SGIP1: variants seen among roughly 807,000 people sequenced by gnomAD.
The protein encoded by SGIP1 is SH3GL interacting endocytic adaptor 1, also known as SH3-containing GRB2-like protein 3-interacting protein 1.
SGIP1 carries 38 observed loss-of-function variants against 107.5 expected under a neutral mutation model. That is an observed-to-expected ratio of 0.35 (90% CI 0.27 to 0.46). SGIP1 has a LOEUF of 0.46. Ranked by LOEUF, SGIP1 falls within the 20% of genes least tolerant of loss-of-function variation. The pLI is 1.00. For synonymous variants in SGIP1, 365 were observed against 366.1 expected (o/e 1.00, Z 0.03); for missense variants, 929 against 1,019.5 (o/e 0.91, Z 1.21).
At position 66,659,988 on chromosome 1, in the gene SGIP1, A is replaced by C. The variant is rs1485811511; in HGVS notation, c.460-525A>C. Reference sequence around the variant, plus strand: ...AAAGAAAGAAAGAAAGAAAGAAAGAAAGAAAGAAAGACAGACAGACAGACA... The same window carrying C: ...AAAGAAAGAAAGAAAGAAAGAAAGACAGAAAGAAAGACAGACAGACAGACA... On this transcript the variant is annotated intron_variant, in intron 7 of 24. Transcript: ENST00000371037. The C allele has an allele frequency of 2.6e-4, 20 of 76,488 alleles. 1 individual carries two copies. The highest frequency in any genetic ancestry group is 1.6e-3 in the East Asian group (1 of 630). 4.7% of individuals were successfully genotyped at this position (76,488 alleles called of 1,614,324 possible). A position where few individuals can be genotyped will look rare whatever the true frequency, so the allele number is the denominator to read the frequency against.
At chr1:66,586,671 G>A (rs1467453153) in intron 1 of SGIP1, among the ~76,000 whole-genome samples, 4 of 152,006 alleles carry the variant, frequency 2.6e-5, no homozygotes. Flanking sequence ...CACCACATCA[G>A]AAAGTATTAT....
At chr1:66,542,487 G>C (rs1378554058) in intron 1 of SGIP1, among the ~76,000 whole-genome samples, 2 of 152,094 alleles carry the variant, frequency 1.3e-5, no homozygotes, top group Non-Finnish European at 2.9e-5. Context: ...CATTGACCTT[G>C]AACACAGGCA....
chr1:66,733,199 T>G (rs907402944), intron 20 of SGIP1, among the ~76,000 whole-genome samples: 1 of 152,222 alleles, frequency 6.6e-6, no homozygotes, highest in Non-Finnish European at 1.5e-5. Context: ...CTTTGATGAT[T>G]TAAATGCTCA....
chr1:66,620,196 G>A (rs2070606535), intron 1 of SGIP1, among the ~76,000 whole-genome samples: 1 of 152,094 alleles, frequency 6.6e-6, no homozygotes, highest in South Asian at 2.1e-4. Flanking sequence ...CTTAAAGCCA[G>A]GAAATTCTAA....
intron 9 of SGIP1, among the ~76,000 whole-genome samples, chr1:66,670,521 T>C (rs754896096): frequency 1.4e-4 from 22 of 152,232 alleles, no homozygotes; most frequent in Non-Finnish European, 2.9e-4. Flanking sequence ...TTACACTTGC[T>C]ATCTATACCT....
chr1:66,584,134 A>G (rs1183117686), intron 1 of SGIP1, among the ~76,000 whole-genome samples: 1 of 152,034 alleles, frequency 6.6e-6, no homozygotes. Context: ...TTTGGTGTCT[A>G]CTTCCAATTA....
At chr1:66,610,706 A>G (rs1007637566) in intron 1 of SGIP1, among the ~76,000 whole-genome samples, 5 of 95,614 alleles carry the variant, frequency 5.2e-5, no homozygotes, top group Non-Finnish European at 9.8e-5. Flanking sequence ...TCAGTAAGTC[A>G]TAGTATAGAT....
At chr1:66,550,800 A>T (rs1380599192) in intron 1 of SGIP1, among the ~76,000 whole-genome samples, 1 of 152,132 alleles carries the variant, frequency 6.6e-6, no homozygotes, top group Non-Finnish European at 1.5e-5. Context: ...GACTGGCTCA[A>T]ATATTTAGGA....
intron 1 of SGIP1, among the ~76,000 whole-genome samples, chr1:66,597,467 C>G (rs573426284): frequency 6.6e-6 from 1 of 152,268 alleles, no homozygotes; most frequent in East Asian, 1.9e-4. Flanking sequence ...GTGCTTTTGT[C>G]CCCTTAAAAA....
At chr1:66,699,875 G>T (rs1439686526) in intron 18 of SGIP1, among the ~76,000 whole-genome samples, 2 of 152,066 alleles carry the variant, frequency 1.3e-5, no homozygotes, top group Admixed American at 6.6e-5. Context: ...CATAGTGAGG[G>T]TTGCAGTTTT....
rs759126100 is a variant in SGIP1, at chr1:66,682,048, A to G, written c.994A>G (p.Lys332Glu). The change falls in exon 15 of 25, where the codon AAA becomes GAA. Residue 332 changes from lysine (K) to glutamate (E), a missense_variant. Transcript: ENST00000371037. ...HVTPELTPRE[K>E]VVSPPATPDN... The stretch of plus-strand genomic sequence containing the variant: ...TACTCCGGAGTTGACTCCAAGGGAA[A>G]AAGTGGTGTCCCCACCAGCTACACC... The G allele has an allele frequency of 6.2e-7, 1 of 1,614,194 alleles. No individual in the cohort carries two copies. The highest frequency in any genetic ancestry group is 8.5e-7 in the Non-Finnish European group (1 of 1,180,028).
intron 21 of SGIP1, among the ~76,000 whole-genome samples, chr1:66,738,163 TTAAC>T (rs1237692828): frequency 6.6e-6 from 1 of 152,218 alleles, no homozygotes; most frequent in East Asian, 1.9e-4. Flanking sequence ...ACTATAATGA[TTAAC>T]TAGCTTAAAT....
rs546532808 is a variant in SGIP1 at position 66,749,234 on chromosome 1, G to C, written c.*6139G>C. ...TTGAAGATGTTTCCAATTCTTTGCC[G>C]TGTGGAATTAATGCCAGTGAATAAT... On this transcript the variant is annotated 3_prime_UTR_variant, in exon 25 of 25. Coordinates refer to ENST00000371037, the MANE Select transcript of SGIP1 (RefSeq NM_032291.4). Among the ~76,000 whole-genome samples the C allele has an allele frequency of 6.6e-6, 1 of 151,950 alleles. No individual in the cohort carries two copies. Among genetic ancestry groups the C allele is most frequent in the Non-Finnish European group, 1.5e-5 (1 of 67,894 alleles).
intron 1 of SGIP1, among the ~76,000 whole-genome samples, chr1:66,607,089 G>A (rs1202542174): frequency 6.6e-6 from 1 of 152,176 alleles, no homozygotes; most frequent in Non-Finnish European, 1.5e-5. Context: ...CGTTGTAAAA[G>A]GAATTTTACT....
At chr1:66,629,384 T>C (rs554860432) in intron 2 of SGIP1, among the ~76,000 whole-genome samples, 1 of 152,260 alleles carries the variant, frequency 6.6e-6, no homozygotes, top group Non-Finnish European at 1.5e-5. Context: ...AGTAATTAAA[T>C]AAGGTTAGCA....
intron 1 of SGIP1, among the ~76,000 whole-genome samples, chr1:66,625,407 A>T (rs1472315135): frequency 6.6e-6 from 1 of 152,202 alleles, no homozygotes; most frequent in Non-Finnish European, 1.5e-5. Context: ...AGACACAAAG[A>T]TGTGTCAGAT....
At chr1:66,664,856 C>T (rs2082210102) in intron 8 of SGIP1, among the ~76,000 whole-genome samples, 2 of 152,144 alleles carry the variant, frequency 1.3e-5, no homozygotes, top group Non-Finnish European at 2.9e-5. Flanking sequence ...CGGAAAGCTC[C>T]TAAAGAGGCA....
rs1368224102 is a variant in SGIP1, at chr1:66,743,865, G to A, written c.*770G>A. ...TTTAAGTATATTAAATTATAATCAA[G>A]AGTAAAGAAGATGTTGAAGTCTTAA... On this transcript the variant is annotated 3_prime_UTR_variant, in exon 25 of 25. Transcript: ENST00000371037. 1 of 152,488 alleles carries A rather than the reference G, an allele frequency of 6.6e-6. No individual in the cohort carries two copies. Among genetic ancestry groups the A allele is most frequent in the Non-Finnish European group, 1.5e-5 (1 of 67,988 alleles). 9.4% of individuals were successfully genotyped at this position (152,488 alleles called of 1,614,324 possible). A position where few individuals can be genotyped will look rare whatever the true frequency, so the allele number is the denominator to read the frequency against.
At chr1:66,712,792 T>C (rs1018806737) in intron 18 of SGIP1, among the ~76,000 whole-genome samples, 1 of 152,184 alleles carries the variant, frequency 6.6e-6, no homozygotes, top group African/African-American at 2.4e-5. Context: ...TCTACATGTG[T>C]ACATCTGTGT....
Sources: gnomAD v4.1 joint callset for allele counts (sites outside exome capture counted in the v4.1 genomes callset) on GRCh38, gnomAD v4.1.1 for gene constraint, MANE v1.5 for transcripts, NCBI Gene and HGNC (gene_info 2026-07-23, HGNC 2026-07-21) for gene names.